Variants in LIMK2 observed in about 807,000 individuals in gnomAD.
The protein encoded by LIMK2 is LIM domain kinase 2.
In LIMK2, 35 loss-of-function variants were observed where a neutral mutation model predicts 75.7. That is an observed-to-expected ratio of 0.46 (90% CI 0.35 to 0.61). The LOEUF (loss-of-function observed/expected upper bound fraction) is 0.61, where lower values mean the gene tolerates loss of function less well. Ranked by LOEUF, LIMK2 falls within the 20% of genes least tolerant of loss-of-function variation. The pLI, the probability that LIMK2 is intolerant of heterozygous loss-of-function variation, is 0.00. For missense variants in LIMK2, 623 were observed against 831.0 expected, an observed-to-expected ratio of 0.75 and a Z score of 3.08; for synonymous variants, 301 against 319.2, an observed-to-expected ratio of 0.94 and a Z score of 0.61.
intron 2 of LIMK2, among the ~76,000 whole-genome samples, chr22:31,241,431 A>G (rs1389392850): frequency 2.0e-5 from 3 of 152,162 alleles, no homozygotes; most frequent in African/African-American, 4.8e-5. Flanking sequence ...GACTCACCAC[A>G]TAAGGCTCCC....
chr22:31,258,929 G>A, intron 3 of LIMK2, 192 bp from the exon 4 acceptor site: 1 of 540,968 alleles, frequency 1.8e-6, no homozygotes, highest in Non-Finnish European at 3.4e-6. Flanking sequence ...AAACAGTTTT[G>A]TGCAGTCTCA....
rs777833409 is a variant in LIMK2, at chr22:31,259,993, C to T, written c.467C>T (p.Pro156Leu). 1.2e-5 allele frequency: 19 copies of T among 1,611,566 alleles called. No homozygotes were observed. Among genetic ancestry groups the T allele is most frequent in the Middle Eastern group, 1.7e-4 (1 of 6,052 alleles). The change falls in exon 5 of 16, where the codon CCG (proline) becomes CTG (leucine). Residue 156 changes from proline (P) to leucine (L), a missense_variant. Transcript: ENST00000331728. Reference sequence around the variant, plus strand: ...TACTCTGTCACGCTCATCTCCATGCCGGCCACCACTGAAGGCAGGCGGGGC... The same window carrying T: ...TACTCTGTCACGCTCATCTCCATGCTGGCCACCACTGAAGGCAGGCGGGGC... ...LPYSVTLISM[P>L]ATTEGRRGFS...
At chr22:31,278,189 T>C (rs2049051159) in intron 15 of LIMK2, 108 bp from the exon 16 acceptor site, 2 of 933,754 alleles carry the variant, frequency 2.1e-6, no homozygotes, top group Admixed American at 2.3e-5. Context: ...GTGAAGGAGT[T>C]TGCCTGACGT....
intron 2 of LIMK2, among the ~76,000 whole-genome samples, chr22:31,255,591 C>T (rs1277701168): frequency 1.3e-5 from 2 of 152,234 alleles, no homozygotes; most frequent in Non-Finnish European, 2.9e-5. Context: ...TCTCTACCTC[C>T]CGCAGTGCTC....
chr22:31,213,796 A>G (rs1032765081), intron 1 of LIMK2, among the ~76,000 whole-genome samples: 5 of 147,652 alleles, frequency 3.4e-5, no homozygotes, highest in African/African-American at 1.3e-4. Flanking sequence ...AGAGTCCTTC[A>G]ACTCGAATGA....
intron 2 of LIMK2, among the ~76,000 whole-genome samples, chr22:31,246,179 G>A (rs964791353): frequency 2.7e-3 from 188 of 69,778 alleles, no homozygotes; most frequent in Non-Finnish European, 4.3e-3. Flanking sequence ...ACACACGCAC[G>A]CACGCACACA....
intron 8 of LIMK2, 38 bp from the exon 9 acceptor site, chr22:31,266,946 T>A: frequency 7.0e-7 from 1 of 1,433,376 alleles, no homozygotes; most frequent in African/African-American, 1.4e-5. Flanking sequence ...CAGAACTTCC[T>A]CTGGTCTCAG....
intron 1 of LIMK2, among the ~76,000 whole-genome samples, chr22:31,223,075 C>A (rs748846095): frequency 1.3e-5 from 2 of 152,110 alleles, no homozygotes; most frequent in African/African-American, 4.8e-5. Context: ...GTGGATGAGC[C>A]AGCTGAGTAC....
rs117567112 is a variant in LIMK2, at chr22:31,233,614, A to G, written c.116+7795A>G. On this transcript the variant is annotated intron_variant, in intron 2 of 15. Transcript: ENST00000331728. The stretch of plus-strand genomic sequence containing the variant: ...CCTTTCCACTGAGTTCTAGACCCAT[A>G]TGTTGTACTATCAACCTGGCTTGTC... Among the ~76,000 whole-genome samples, 215 of 152,248 alleles carry G rather than the reference A, an allele frequency of 1.4e-3. 2 individuals are homozygous for G. The East Asian group carries it at 0.039, about 27-fold the overall frequency.
intron 12 of LIMK2, 122 bp downstream of exon 12, chr22:31,271,323 C>A: frequency 1.3e-6 from 1 of 788,036 alleles, no homozygotes; most frequent in Non-Finnish European, 2.2e-6. Flanking sequence ...GAGCTCCTAT[C>A]TTTCCCTTCC....
Position 31,267,075 on chromosome 22 carries a change from G to A in LIMK2, c.1128+5G>A, listed in dbSNP as rs1246116757. The A allele has an allele frequency of 6.4e-7, 1 of 1,572,468 alleles. No individual in the cohort carries two copies. Among genetic ancestry groups the A allele is most frequent in the South Asian group, 1.1e-5 (1 of 88,678 alleles). ...CAGAAAACTTTTCTGACTGAGGTAA[G>A]AAGATGGAGGGGGCCCGGGAGGTTG... On this transcript the variant is annotated splice_donor_5th_base_variant and intron_variant, in intron 9 of 15. Transcript: ENST00000331728.
chr22:31,261,012 G>A (rs1199617073), intron 5 of LIMK2, among the ~76,000 whole-genome samples: 1 of 152,216 alleles, frequency 6.6e-6, no homozygotes, highest in Non-Finnish European at 1.5e-5. Flanking sequence ...AAGGTATAGA[G>A]ACTAGTTAGG....
intron 1 of LIMK2, among the ~76,000 whole-genome samples, chr22:31,225,127 C>G: frequency 6.6e-6 from 1 of 152,206 alleles, no homozygotes; most frequent in East Asian, 1.9e-4. Flanking sequence ...CCCCCCGCCC[C>G]CCAACCCCCA....
At chr22:31,263,684 AAAT>A (rs1274879189) in intron 7 of LIMK2, among the ~76,000 whole-genome samples, 5 of 150,866 alleles carry the variant, frequency 3.3e-5, no homozygotes, top group African/African-American at 9.9e-5. Context: ...TACAAAAAAA[AAAT>A]AATAATAATA....
At chr22:31,222,134 G>T (rs2048439314) in intron 1 of LIMK2, among the ~76,000 whole-genome samples, 1 of 151,800 alleles carries the variant, frequency 6.6e-6, no homozygotes, top group Non-Finnish European at 1.5e-5. Flanking sequence ...GCAATGGCGA[G>T]ATCTCAGCTC....
At chr22:31,217,745 T>C (rs1378223694) in intron 1 of LIMK2, among the ~76,000 whole-genome samples, 2 of 152,224 alleles carry the variant, frequency 1.3e-5, no homozygotes, top group African/African-American at 4.8e-5. Flanking sequence ...AGTGAACTTC[T>C]GGTTGGAAGT....
chr22:31,249,079 G>A (rs1015361832), intron 2 of LIMK2, among the ~76,000 whole-genome samples: 8 of 152,096 alleles, frequency 5.3e-5, no homozygotes, highest in East Asian at 1.9e-4. Flanking sequence ...TACTGCTTCC[G>A]GGGGGAATAG....
intron 5 of LIMK2, among the ~76,000 whole-genome samples, chr22:31,261,791 T>C (rs73158543): frequency 6.7e-6 from 1 of 149,460 alleles, no homozygotes; most frequent in Non-Finnish European, 1.5e-5. Flanking sequence ...AAACAAAGTT[T>C]AAAAAAAAAA....
At chr22:31,246,136 A>G (rs1183775513) in intron 2 of LIMK2, among the ~76,000 whole-genome samples, 5 of 149,920 alleles carry the variant, frequency 3.3e-5, no homozygotes, top group South Asian at 2.1e-4. Flanking sequence ...TCGCGACACT[A>G]CACTGCAGCC....
Sources: gnomAD v4.1 joint callset for allele counts (sites outside exome capture counted in the v4.1 genomes callset) on GRCh38, gnomAD v4.1.1 for gene constraint, MANE v1.5 for transcripts, NCBI Gene and HGNC (gene_info 2026-07-23, HGNC 2026-07-21) for gene names.